The following DNAH11 variants were observed in gnomAD, a reference collection of about 807,000 sequenced individuals.
DNAH11 encodes the protein dynein axonemal heavy chain 11.
In DNAH11, 442 loss-of-function variants were observed where a neutral mutation model predicts 526.0. The ratio of observed to expected loss-of-function variants is 0.84; its 90% CI spans 0.78 to 0.91. The LOEUF (loss-of-function observed/expected upper bound fraction) is 0.91, where lower values mean the gene tolerates loss of function less well. Ranked by LOEUF, DNAH11 falls within the 40% of genes least tolerant of loss-of-function variation. The pLI is 0.00. For synonymous variants in DNAH11, 2,461 were observed against 1,935.9 expected, an observed-to-expected ratio of 1.27 and a Z score of -7.12; for missense variants, 6,989 against 5,448.7, an observed-to-expected ratio of 1.28 and a Z score of -8.90.
chr7:21,810,574 G>A (rs1276154044), intron 63 of DNAH11, among the ~76,000 whole-genome samples: 1 of 152,118 alleles, frequency 6.6e-6, no homozygotes, highest in Non-Finnish European at 1.5e-5. Context: ...TACCTGTGAA[G>A]GGCAACAGGG....
chr7:21,816,679 A>T lies in DNAH11; in HGVS notation c.10545A>T (p.Lys3515Asn). 1 of 1,613,614 alleles carries T rather than the reference A, an allele frequency of 6.2e-7. No individual in the cohort carries two copies. Among genetic ancestry groups the T allele is most frequent in the South Asian group, 1.1e-5 (1 of 91,006 alleles). ...WIKNKYGMDL[K>N]VTHLGQKGFL... is the part of the protein sequence containing the mutation. ...AGAATAAGTATGGAATGGACCTGAA[A>T]GTCACACATTTGGGCCAGAAAGGGT... Residue 3515 changes from lysine (K) to asparagine (N), a missense_variant, in exon 64 of 82, where the codon AAA (lysine) becomes AAT (asparagine). Lys to Asn is a moderately conservative substitution (Grantham distance 94). Coordinates refer to ENST00000409508, the MANE Select transcript of DNAH11 (RefSeq NM_001277115.2).
At chr7:21,564,088 C>T in intron 5 of DNAH11, 98 bp from the exon 6 acceptor site, 1 of 770,684 alleles carries the variant, frequency 1.3e-6, no homozygotes, top group Non-Finnish European at 2.0e-6. Context: ...TAAGTGTGGC[C>T]ATGTTGTTTT....
Position 21,774,110 on chromosome 7 carries a change from A to C in DNAH11, c.9336+111A>C, listed in dbSNP as rs957687174. ...TTTCTATAAGATGCCAGCTGGTGAA[A>C]TTTACAGTTTCATGACACCAAGAAT... On this transcript the variant is annotated intron_variant, in intron 56 of 81. Transcript: ENST00000409508. 3.3e-5 allele frequency: 34 copies of C among 1,029,046 alleles called. No individual in the cohort carries two copies. The East Asian group carries it at 8.9e-4, about 27-fold the overall frequency. The allele number at this position is 1,029,046 out of a possible 1,614,324, so 63.7% of individuals were successfully genotyped here.
intron 8 of DNAH11, among the ~76,000 whole-genome samples, chr7:21,577,595 A>G (rs1458608358): frequency 6.6e-6 from 1 of 152,212 alleles, no homozygotes; most frequent in Non-Finnish European, 1.5e-5. Context: ...TAGAGACCAC[A>G]TGGGGAACTG....
chr7:21,802,287 A>G (rs927808175), intron 62 of DNAH11, among the ~76,000 whole-genome samples: 1 of 152,190 alleles, frequency 6.6e-6, no homozygotes, highest in Non-Finnish European at 1.5e-5. Context: ...ACAACAAGAT[A>G]CCACTTCATA....
chr7:21,814,768 T>C (rs1789702042), intron 63 of DNAH11, among the ~76,000 whole-genome samples: 1 of 152,090 alleles, frequency 6.6e-6, no homozygotes, highest in Non-Finnish European at 1.5e-5. Flanking sequence ...AACCAAAATA[T>C]CATATGGCGC....
At chr7:21,774,895 G>A (rs1008662247) in intron 56 of DNAH11, among the ~76,000 whole-genome samples, 46 of 152,282 alleles carry the variant, frequency 3.0e-4, no homozygotes, top group Middle Eastern at 3.4e-3. Flanking sequence ...AATACTGGTG[G>A]CCTTCTCAGA....
intron 43 of DNAH11, among the ~76,000 whole-genome samples, chr7:21,718,728 C>A (rs1266438809): frequency 1.3e-5 from 2 of 152,132 alleles, no homozygotes; most frequent in Admixed American, 1.3e-4. Context: ...GAAACCCCCA[C>A]ACCCTTTTTT....
chr7:21,765,700 C>T, intron 55 of DNAH11, 111 bp downstream of exon 55: 1 of 1,307,748 alleles, frequency 7.6e-7, no homozygotes, highest in African/African-American at 1.5e-5. Flanking sequence ...CACAGTACAT[C>T]TCCTATCAGA....
intron 65 of DNAH11, among the ~76,000 whole-genome samples, chr7:21,820,646 G>T (rs372499857): frequency 6.6e-6 from 1 of 152,136 alleles, no homozygotes; most frequent in Non-Finnish European, 1.5e-5. Context: ...GGAGAGGAGA[G>T]CAGGACCCAG....
intron 32 of DNAH11, among the ~76,000 whole-genome samples, chr7:21,684,796 G>A (rs185956775): frequency 8.5e-5 from 13 of 152,298 alleles, no homozygotes; most frequent in African/African-American, 2.4e-4. Context: ...AGAATATTGC[G>A]GAGATAAGAA....
intron 30 of DNAH11, among the ~76,000 whole-genome samples, chr7:21,671,391 T>C (rs1306273514): frequency 6.6e-6 from 1 of 152,142 alleles, no homozygotes; most frequent in Non-Finnish European, 1.5e-5. Context: ...TACTATCTGT[T>C]CCTTTTCAGG....
At position 21,543,344 on chromosome 7, in the gene DNAH11, G is replaced by C; in HGVS notation, c.99G>C (p.Val33=). The change falls in exon 1 of 82, where the codon GTG becomes GTC. Residue 33 remains valine (V), a synonymous_variant. Transcript: ENST00000409508. Reference sequence around the variant, plus strand: ...CCGGCCTGGAGGCAGTGGGCGCTGTGGAGCTCGAGGAGGAGGAGGAGAACG... The same window carrying C: ...CCGGCCTGGAGGCAGTGGGCGCTGTCGAGCTCGAGGAGGAGGAGGAGAACG... ...SGAGLEAVGA[V]ELEEEEENEE... is the part of the protein sequence containing the mutation. The C allele has an allele frequency of 1.9e-6, 3 of 1,551,226 alleles. No individual in the cohort carries two copies. Among genetic ancestry groups the C allele is most frequent in the Non-Finnish European group, 2.6e-6 (3 of 1,146,820 alleles).
In DNAH11 at chr7:21,544,885, AG is replaced by A. The variant is rs1782747590; in HGVS notation, c.352-118del. On this transcript the variant is annotated intron_variant, in intron 1 of 81. Transcript: ENST00000409508. ...AGAGCCGTAGAAGGACCTTGTTTAT[AG>A]GGCAGGCAAGATGCCAGGTTTTGTT... 3 of 734,094 alleles carry A rather than the reference AG, an allele frequency of 4.1e-6. No individual in the cohort carries two copies. The South Asian group carries it at 6.3e-5, about 16-fold the overall frequency. The allele number at this position is 734,094 out of a possible 1,614,324, so 45.5% of individuals were successfully genotyped here. A position where few individuals can be genotyped will look rare whatever the true frequency, so the allele number is the denominator to read the frequency against.
In DNAH11 at chr7:21,726,891, A is replaced by AAAAAAAAG. The variant is rs1269603324; in HGVS notation, c.7440+907_7440+908insAAAAAAAG. 3.3e-4 allele frequency among the ~76,000 whole-genome samples: 38 copies of AAAAAAAAG among 114,776 alleles called. 7 individuals carry two copies. The East Asian group carries it at 0.013, about 40-fold the overall frequency. 75.3% of individuals were successfully genotyped at this position (114,776 alleles called of 152,430 possible). On this transcript the variant is annotated intron_variant, in intron 45 of 81. Coordinates refer to ENST00000409508, the MANE Select transcript of DNAH11 (RefSeq NM_001277115.2). ...AAAAAAAAAAAAAAAAAAAAAAAAAAGAATGCTTAGTGAGATGTCTGTTAT... is the reference window on the plus strand; with the variant it reads ...AAAAAAAAAAAAAAAAAAAAAAAAAAAAAAAAAGGAATGCTTAGTGAGATGTCTGTTAT...
intron 61 of DNAH11, among the ~76,000 whole-genome samples, chr7:21,789,808 T>TCTTTCTTTCTTCTTTCTTTC: frequency 6.2e-4 from 21 of 34,130 alleles, no homozygotes; most frequent in East Asian, 5.0e-3. Flanking sequence ...TTTCTTTCTT[T>TCTTTCTTTCTTCTTTCTTTC]TTTCTTTCTT....
Position 21,748,092 on chromosome 7 carries a change from G to A in DNAH11, c.8511-488G>A, listed in dbSNP as rs377508771. 1.8e-4 allele frequency among the ~76,000 whole-genome samples: 28 copies of A among 152,266 alleles called. No homozygotes were observed. In the South Asian group the frequency reaches 4.8e-3, roughly 26 times the overall value. On this transcript the variant is annotated intron_variant, in intron 51 of 81. Transcript: ENST00000409508. Reference sequence around the variant, plus strand: ...GTTCAAGGGTTAGGGTGAAGGTAGCGTCTTTGTTTGATGGGGAAACAAATG... The same window carrying A: ...GTTCAAGGGTTAGGGTGAAGGTAGCATCTTTGTTTGATGGGGAAACAAATG...
chr7:21,599,236 C>T (rs1350642580), intron 14 of DNAH11, among the ~76,000 whole-genome samples: 1 of 152,206 alleles, frequency 6.6e-6, no homozygotes, highest in African/African-American at 2.4e-5. Flanking sequence ...TGTGCAACCT[C>T]ACCAGCATCT....
chr7:21,606,326 AG>A, intron 18 of DNAH11, 99 bp from the exon 19 acceptor site: 3 of 1,012,548 alleles, frequency 3.0e-6, no homozygotes, highest in Non-Finnish European at 4.3e-6. Context: ...TTGTCTCAAG[AG>A]AAAAAAAAAA....
Sources: allele counts gnomAD v4.1 joint callset (sites outside exome capture counted in the v4.1 genomes callset), GRCh38; gene constraint gnomAD v4.1.1; transcripts MANE v1.5; gene names NCBI Gene and HGNC (gene_info 2026-07-23, HGNC 2026-07-21).